VAC14: variants seen among roughly 807,000 people sequenced by gnomAD.
The protein encoded by VAC14 is protein VAC14 homolog.
VAC14 carries 47 observed loss-of-function variants against 85.3 expected under a neutral mutation model. The ratio of observed to expected loss-of-function variants is 0.55; its 90% confidence interval spans 0.44 to 0.70. The LOEUF (loss-of-function observed/expected upper bound fraction) is 0.70. Among genes scored for constraint, VAC14 ranks in the 30% least tolerant of loss-of-function variants. The probability of loss-of-function intolerance (pLI) is 0.00; values close to 1 mark genes in which losing one functional copy is unlikely to be tolerated. For missense variants in VAC14, 861 were observed against 1,004.3 expected, an observed-to-expected ratio of 0.86 and a Z score of 1.93; for synonymous variants, 447 against 430.5, an observed-to-expected ratio of 1.04 and a Z score of -0.47.
chr16:70,743,045 C>G (rs184702160), intron 13 of VAC14, among the ~76,000 whole-genome samples: 2 of 152,046 alleles, frequency 1.3e-5, no homozygotes, highest in Admixed American at 1.3e-4. Context: ...CACCAATCAG[C>G]ACTGTGTGTC....
At chr16:70,795,187 C>T (rs997806027) in intron 1 of VAC14, among the ~76,000 whole-genome samples, 1 of 152,142 alleles carries the variant, frequency 6.6e-6, no homozygotes, top group African/African-American at 2.4e-5. Context: ...ATCCCCTGAG[C>T]CGGGCGCAGT....
In VAC14 at chr16:70,725,308, G is replaced by A. The variant is rs189698522; in HGVS notation, c.1661+6187C>T. 5.5e-3 allele frequency among the ~76,000 whole-genome samples: 839 copies of A among 152,348 alleles called. 9 individuals carry two copies. Among genetic ancestry groups the A allele is most frequent in the African/African-American group, 0.019 (803 of 41,586 alleles). ...AGCTGGGCTTGGGAGGGGCGCCAGT[G>A]GTGCAGACGGCCGGTGGCCTTGGAC... is the stretch of plus-strand genomic sequence containing the variant. On this transcript the variant is annotated intron_variant, in intron 14 of 18. Coordinates refer to ENST00000261776, the MANE Select transcript of VAC14 (RefSeq NM_018052.5).
intron 10 of VAC14, chr16:70,768,625 G>A (rs769206136): frequency 8.3e-5 from 27 of 323,868 alleles, no homozygotes; most frequent in Non-Finnish European, 1.5e-4. Context: ...AGTATCGCAG[G>A]AAGAGGGGAG....
chr16:70,773,858 G>A (rs2033377906), intron 9 of VAC14, among the ~76,000 whole-genome samples: 1 of 151,862 alleles, frequency 6.6e-6, no homozygotes, highest in African/African-American at 2.4e-5. Flanking sequence ...TTCGCCTCCT[G>A]CACTCAAGAG....
chr16:70,785,660 A>G, intron 3 of VAC14, 42 bp downstream of exon 3: 1 of 1,515,136 alleles, frequency 6.6e-7, no homozygotes, highest in South Asian at 1.3e-5. Flanking sequence ...GAGGTGGGGG[A>G]ACCAAGCGCA....
intron 12 of VAC14, among the ~76,000 whole-genome samples, chr16:70,750,996 G>A (rs1371109226): frequency 6.6e-6 from 1 of 152,182 alleles, no homozygotes; most frequent in African/African-American, 2.4e-5. Flanking sequence ...CCAGGGCGAG[G>A]CACTCAGTCT....
intron 9 of VAC14, among the ~76,000 whole-genome samples, chr16:70,773,927 G>A (rs576619460): frequency 8.6e-5 from 13 of 151,712 alleles, no homozygotes; most frequent in Admixed American, 2.0e-4. Context: ...CATTAAGCCC[G>A]GATAATTTTT....
chr16:70,799,056 G>C (rs1019378947), intron 1 of VAC14, among the ~76,000 whole-genome samples: 2 of 152,202 alleles, frequency 1.3e-5, no homozygotes, highest in Non-Finnish European at 2.9e-5. Context: ...TGCAGAGTGA[G>C]AACAGATACA....
intron 12 of VAC14, among the ~76,000 whole-genome samples, chr16:70,751,375 G>A (rs2031374545): frequency 6.6e-6 from 1 of 152,228 alleles, no homozygotes; most frequent in South Asian, 2.1e-4. Flanking sequence ...TCTGGCCAGT[G>A]CAGGCCACTG....
intron 14 of VAC14, among the ~76,000 whole-genome samples, chr16:70,724,036 C>A (rs1481997551): frequency 6.6e-6 from 1 of 152,194 alleles, no homozygotes; most frequent in Non-Finnish European, 1.5e-5. Flanking sequence ...TAGTCTCCTC[C>A]CACCAGCCCT....
chr16:70,765,464 C>T (rs963935644), intron 10 of VAC14, among the ~76,000 whole-genome samples: 1 of 152,188 alleles, frequency 6.6e-6, no homozygotes, highest in Non-Finnish European at 1.5e-5. Context: ...CTCTCCTGGG[C>T]GCTTTCCTAC....
chr16:70,731,515 G>C lies in VAC14; in HGVS notation c.1641C>G (p.Val547=). 6.2e-7 allele frequency: 1 copy of C among 1,614,084 alleles called. No individual in the cohort carries two copies. The highest frequency in any genetic ancestry group is 8.5e-7 in the Non-Finnish European group (1 of 1,179,944). Residue 547 remains valine (V), a synonymous_variant, in exon 14 of 19, where the codon GTC becomes GTG. Coordinates refer to ENST00000261776, the MANE Select transcript of VAC14 (RefSeq NM_018052.5). ...RFSSERKLLE[V]RGPFIIRQLC... is the part of the protein sequence containing the mutation. ...CTGACCTGATGATGAAAGGGCCTCT[G>C]ACCTCCAGGAGCTTCCGTTCGCTGC...
chr16:70,760,452 T>C (rs2032235749), intron 12 of VAC14, among the ~76,000 whole-genome samples: 1 of 152,120 alleles, frequency 6.6e-6, no homozygotes, highest in Non-Finnish European at 1.5e-5. Context: ...AGCAACCGGA[T>C]GGGGTAAGAT....
intron 14 of VAC14, among the ~76,000 whole-genome samples, chr16:70,707,932 A>T (rs2053952971): frequency 6.6e-6 from 1 of 151,732 alleles, no homozygotes; most frequent in African/African-American, 2.4e-5. Context: ...CTGGGATTAC[A>T]GGCGCCCGTC....
intron 14 of VAC14, among the ~76,000 whole-genome samples, chr16:70,728,169 T>A (rs1010636446): frequency 6.6e-6 from 1 of 152,002 alleles, no homozygotes; most frequent in Admixed American, 6.5e-5. Flanking sequence ...GAGAACCCAG[T>A]GTGGCCCATG....
chr16:70,724,315 G>A (rs1051524214), intron 14 of VAC14, among the ~76,000 whole-genome samples: 1 of 152,314 alleles, frequency 6.6e-6, no homozygotes, highest in Admixed American at 6.5e-5. Flanking sequence ...AGCAAGGCCA[G>A]GACCACCCCC....
intron 9 of VAC14, among the ~76,000 whole-genome samples, chr16:70,774,590 T>C (rs956046677): frequency 1.3e-5 from 2 of 152,198 alleles, no homozygotes; most frequent in African/African-American, 4.8e-5. Flanking sequence ...TCCCCAGTGA[T>C]TGACCGCAGC....
chr16:70,720,326 C>T (rs1265476173), intron 14 of VAC14, among the ~76,000 whole-genome samples: 2 of 152,150 alleles, frequency 1.3e-5, no homozygotes, highest in African/African-American at 2.4e-5. Context: ...TCAAATAGTA[C>T]GTTCTTTAAA....
chr16:70,741,877 T>C (rs550366790), intron 13 of VAC14, among the ~76,000 whole-genome samples: 1 of 152,188 alleles, frequency 6.6e-6, no homozygotes, highest in Non-Finnish European at 1.5e-5. Flanking sequence ...TGCCATATAG[T>C]GCCCCTGGCC....
Sources: gnomAD v4.1 joint callset for allele counts (sites outside exome capture counted in the v4.1 genomes callset) on GRCh38, gnomAD v4.1.1 for gene constraint, MANE v1.5 for transcripts, NCBI Gene and HGNC (gene_info 2026-07-23, HGNC 2026-07-21) for gene names.